ZNF814: variants seen among roughly 807,000 people sequenced by gnomAD.
The protein encoded by ZNF814 is zinc finger protein 814.
ZNF814 carries 5 observed loss-of-function variants against 7.5 expected under a neutral mutation model. That is an observed-to-expected ratio of 0.67 (90% CI 0.35 to 1.40). The LOEUF (loss-of-function observed/expected upper bound fraction) is 1.40. ZNF814 is among the 40% of genes most tolerant of loss of function. The pLI is 0.04. For synonymous variants in ZNF814, 315 were observed against 340.7 expected, an observed-to-expected ratio of 0.92 and a Z score of 0.83; for missense variants, 962 against 1,018.0, an observed-to-expected ratio of 0.94 and a Z score of 0.75.
chr19:57,872,600 T>C lies in ZNF814; in HGVS notation c.*222A>G, dbSNP rs767708293. The C allele has an allele frequency of 1.1e-4, 142 of 1,235,180 alleles. No homozygotes were observed. Among genetic ancestry groups the C allele is most frequent in the Middle Eastern group, 1.9e-4 (1 of 5,182 alleles). 76.5% of individuals were successfully genotyped at this position (1,235,180 alleles called of 1,614,324 possible). A position where few individuals can be genotyped will look rare whatever the true frequency, so the allele number is the denominator to read the frequency against. On this transcript the variant is annotated 3_prime_UTR_variant, in exon 3 of 3. Transcript: ENST00000435989. ...GACCTTACTCCAGTGTGAACTCTCCTGTGTTTAATGAGACTGAAAGTTTCA... is the reference window on the plus strand; with the variant it reads ...GACCTTACTCCAGTGTGAACTCTCCCGTGTTTAATGAGACTGAAAGTTTCA...
chr19:57,877,319 C>T (rs1398146455), intron 1 of ZNF814, among the ~76,000 whole-genome samples: 1 of 152,158 alleles, frequency 6.6e-6, no homozygotes, highest in Non-Finnish European at 1.5e-5. Context: ...TTCAGCACAG[C>T]AGAGATACCC....
chr19:57,894,156 C>T, the ZNF814 span, among the ~76,000 whole-genome samples: 6 of 150,688 alleles, frequency 4.0e-5, no homozygotes, highest in South Asian at 2.1e-4. Context: ...GAGGGGATCA[C>T]GAGGTTAAGA....
chr19:57,888,625 G>T, intron 1 of ZNF814, 142 bp downstream of exon 1: 1 of 1,032,338 alleles, frequency 9.7e-7, no homozygotes, highest in Non-Finnish European at 1.5e-6. Flanking sequence ...TCCCACGGGT[G>T]TCAGAAATGG....
At chr19:57,900,134 C>A in the ZNF814 span, among the ~76,000 whole-genome samples, 1 of 152,222 alleles carries the variant, frequency 6.6e-6, no homozygotes, top group South Asian at 2.1e-4. Flanking sequence ...AATGGATAAG[C>A]CTCATTTGTG....
chr19:57,891,180 T>C (rs564117200), upstream of ZNF814, among the ~76,000 whole-genome samples: 125 of 152,266 alleles, frequency 8.2e-4, 2 homozygotes, highest in South Asian at 0.025. Context: ...AGTTATCCTA[T>C]ATGGTCTAAA....
chr19:57,870,404 TGGCACTAA>T lies in ZNF814; in HGVS notation c.*2410_*2417del, dbSNP rs920404784. 3.2e-4 allele frequency: 49 copies of T among 152,320 alleles called. No individual in the cohort carries two copies. Among genetic ancestry groups the T allele is most frequent in the African/African-American group, 1.0e-3 (42 of 41,568 alleles). 9.4% of individuals were successfully genotyped at this position (152,320 alleles called of 1,614,324 possible). A position where few individuals can be genotyped will look rare whatever the true frequency, so the allele number is the denominator to read the frequency against. ...GCCTCCACGGTAGCAAATATTGATG[TGGCACTAA>T]GGCCATTTCCACCTGATTAAGTGGC... On this transcript the variant is annotated 3_prime_UTR_variant, in exon 3 of 3. Transcript: ENST00000435989.
rs555954736 is a variant in ZNF814, at chr19:57,877,756, A to T, written c.37-714T>A. Among the ~76,000 whole-genome samples, 116 of 152,192 alleles carry T rather than the reference A, an allele frequency of 7.6e-4. 1 individual carries two copies. Among genetic ancestry groups the T allele is most frequent in the Non-Finnish European group, 1.5e-3 (100 of 67,996 alleles). On this transcript the variant is annotated intron_variant, in intron 1 of 2. Transcript: ENST00000435989. ...GCGCCCAGCCAGCTTAAAGTATCTT[A>T]ATTCCCTCCTTTTTCTTCAACTAGT...
At chr19:57,892,718 G>T (rs925493061), upstream of ZNF814, among the ~76,000 whole-genome samples, 3 of 152,220 alleles carry the variant, frequency 2.0e-5, no homozygotes, top group African/African-American at 7.2e-5. Context: ...GCAGCCACCT[G>T]AACTTTTCAG....
chr19:57,887,190 A>T (rs1190577873), intron 1 of ZNF814, among the ~76,000 whole-genome samples: 2 of 152,240 alleles, frequency 1.3e-5, no homozygotes, highest in Non-Finnish European at 2.9e-5. Context: ...CTCCGTCTCA[A>T]GAAAACAAAA....
At chr19:57,903,090 C>A in the ZNF814 span, among the ~76,000 whole-genome samples, 1 of 152,052 alleles carries the variant, frequency 6.6e-6, no homozygotes, top group Non-Finnish European at 1.5e-5. Context: ...TTAATTAGAG[C>A]CAGAGAAGGA....
rs762358971 is a variant in ZNF814, at chr19:57,874,926, G to C, written c.464C>G (p.Ala155Gly). Residue 155 changes from alanine (A) to glycine (G), a missense_variant, in exon 3 of 3, where the codon GCG (alanine) becomes GGG (glycine). This residue lies in a region of ZNF814 where 65 missense variants were observed against 131.3 expected (regional missense o/e 0.50). Transcript: ENST00000435989. ...CAACTTACACCTCTTTGCAAACAAC[G>C]CCTCCTCAACACTCCCTCTGTAGGG... Reference protein sequence around the residue: ...EKPYRGSVEEALFAKRCKLHV... With the variant: ...EKPYRGSVEEGLFAKRCKLHV... 2.5e-6 allele frequency: 4 copies of C among 1,613,082 alleles called. No individual in the cohort carries two copies. Among genetic ancestry groups the C allele is most frequent in the Non-Finnish European group, 3.4e-6 (4 of 1,179,138 alleles).
chr19:57,888,260 T>G (rs1431630857), intron 1 of ZNF814, among the ~76,000 whole-genome samples: 1 of 152,232 alleles, frequency 6.6e-6, no homozygotes, highest in Non-Finnish European at 1.5e-5. Context: ...CATGGCCAAC[T>G]ACCAAGTGAA....
chr19:57,889,559 CTT>C (rs965347634), upstream of ZNF814, among the ~76,000 whole-genome samples: 2 of 151,994 alleles, frequency 1.3e-5, no homozygotes, highest in African/African-American at 4.8e-5. Flanking sequence ...AACGAGACCT[CTT>C]ATCTAAAAAA....
chr19:57,877,256 G>A (rs896308748), intron 1 of ZNF814, among the ~76,000 whole-genome samples: 1 of 152,042 alleles, frequency 6.6e-6, no homozygotes, highest in Non-Finnish European at 1.5e-5. Context: ...ACCCCCTCCT[G>A]ACAGGCACTT....
At chr19:57,898,939 C>CAAAAAAA in the ZNF814 span, among the ~76,000 whole-genome samples, 1 of 91,986 alleles carries the variant, frequency 1.1e-5, no homozygotes, top group Admixed American at 1.1e-4. Flanking sequence ...GACTCTGTCT[C>CAAAAAAA]AAAAAAAAAA....
intron 1 of ZNF814, 76 bp downstream of exon 1, chr19:57,888,691 G>A: frequency 2.0e-6 from 3 of 1,526,024 alleles, no homozygotes; most frequent in South Asian, 1.2e-5. Flanking sequence ...CTGCAGAGCC[G>A]TGAACAGGCG....
At chr19:57,878,703 C>A (rs988422364) in intron 1 of ZNF814, among the ~76,000 whole-genome samples, 9 of 152,116 alleles carry the variant, frequency 5.9e-5, no homozygotes, top group Non-Finnish European at 1.2e-4. Context: ...AAATGATCCA[C>A]CCGCCTCAGC....
At chr19:57,901,047 A>ATCATGTTAG in the ZNF814 span, among the ~76,000 whole-genome samples, 2 of 150,974 alleles carry the variant, frequency 1.3e-5, no homozygotes, top group African/African-American at 4.9e-5. Flanking sequence ...ACGGGGTTTC[A>ATCATGTTAG]CCGTGGTCTT....
chr19:57,894,310 G>T, the ZNF814 span, among the ~76,000 whole-genome samples: 2 of 150,230 alleles, frequency 1.3e-5, no homozygotes, highest in Admixed American at 1.3e-4. Flanking sequence ...GGGTTGCAGG[G>T]AGCTGAGATC....
Sources: allele counts gnomAD v4.1 joint callset (sites outside exome capture counted in the v4.1 genomes callset), GRCh38; gene constraint gnomAD v4.1.1; regional missense constraint gnomAD v4.1.1; transcripts MANE v1.5; gene names NCBI Gene and HGNC (gene_info 2026-07-23, HGNC 2026-07-21).